Variants in ETS1 observed in about 807,000 individuals in gnomAD.
The protein encoded by ETS1 is ETS proto-oncogene 1, transcription factor, also known as protein C-ets-1.
Under a neutral mutation model 58.6 loss-of-function variants are expected in ETS1, and 15 were observed. The observed-to-expected ratio is 0.26, with a 90% CI of 0.17 to 0.39. The LOEUF (loss-of-function observed/expected upper bound fraction) is 0.39. Among genes scored for constraint, ETS1 ranks in the 10% least tolerant of loss-of-function variants. The pLI is 1.00. For synonymous variants in ETS1, 214 were observed against 218.2 expected, an observed-to-expected ratio of 0.98 and a Z score of 0.17; for missense variants, 417 against 610.5, an observed-to-expected ratio of 0.68 and a Z score of 3.34.
At chr11:128,557,383 G>A (rs189733920) in intron 2 of ETS1, among the ~76,000 whole-genome samples, 82 of 152,246 alleles carry the variant, frequency 5.4e-4, no homozygotes, top group Non-Finnish European at 8.1e-4. Context: ...GAAGTAGGAC[G>A]ATTGAATGAA....
At chr11:128,485,152 T>G in intron 6 of ETS1, 81 bp from the exon 7 acceptor site, 2 of 1,243,586 alleles carry the variant, frequency 1.6e-6, no homozygotes, top group Non-Finnish European at 2.3e-6. Flanking sequence ...CAGGGCCCTA[T>G]GATGTGGGAC....
chr11:128,462,746 T>C (rs1381359238), intron 9 of ETS1, among the ~76,000 whole-genome samples, 170 bp from the exon 10 acceptor site: 3 of 152,234 alleles, frequency 2.0e-5, no homozygotes, highest in Non-Finnish European at 2.9e-5. Flanking sequence ...GCCTATCTCC[T>C]GAATTCCATT....
intron 3 of ETS1, among the ~76,000 whole-genome samples, chr11:128,498,990 G>A (rs1863015272): frequency 6.6e-6 from 1 of 152,166 alleles, no homozygotes; most frequent in Non-Finnish European, 1.5e-5. Context: ...TTACTCAGGA[G>A]GAAAGAATGA....
intron 8 of ETS1, among the ~76,000 whole-genome samples, chr11:128,469,584 T>A (rs561570241): frequency 6.6e-6 from 1 of 152,268 alleles, no homozygotes; most frequent in South Asian, 2.1e-4. Context: ...CCCCTAAATC[T>A]CCTGATTTCC....
At chr11:128,513,040 A>G (rs1863432231) in intron 3 of ETS1, among the ~76,000 whole-genome samples, 1 of 152,256 alleles carries the variant, frequency 6.6e-6, no homozygotes, top group Non-Finnish European at 1.5e-5. Context: ...TGAGGAAGGT[A>G]TGACTCTTGG....
At chr11:128,583,310 G>A (rs939559474) in intron 1 of ETS1, among the ~76,000 whole-genome samples, 2 of 152,218 alleles carry the variant, frequency 1.3e-5, no homozygotes, top group Non-Finnish European at 2.9e-5. Context: ...CCCGGCTGGG[G>A]AGAATTGAGT....
At chr11:128,465,792 T>C (rs1862018076) in intron 8 of ETS1, among the ~76,000 whole-genome samples, 2 of 152,218 alleles carry the variant, frequency 1.3e-5, no homozygotes, top group Non-Finnish European at 2.9e-5. Flanking sequence ...CGCTCTACAC[T>C]CGTTTCCTTC....
chr11:128,490,347 T>C, intron 4 of ETS1, 110 bp downstream of exon 4: 2 of 1,125,744 alleles, frequency 1.8e-6, no homozygotes, highest in South Asian at 2.9e-5. Flanking sequence ...CCATAGCTGC[T>C]GACTCCAATG....
intron 2 of ETS1, among the ~76,000 whole-genome samples, chr11:128,562,763 G>GT (rs1267662504): frequency 6.6e-6 from 1 of 152,142 alleles, no homozygotes; most frequent in Non-Finnish European, 1.5e-5. Context: ...GCACTCATTG[G>GT]TTTGTGACCC....
At chr11:128,522,199 G>A (rs1863698110) in intron 3 of ETS1, 4 of 1,237,632 alleles carry the variant, frequency 3.2e-6, no homozygotes, top group South Asian at 2.6e-5. Context: ...ACTTTGCGGC[G>A]AAGTGAGCGC....
intron 1 of ETS1, among the ~76,000 whole-genome samples, chr11:128,586,178 T>C (rs183204773): frequency 6.3e-4 from 96 of 152,346 alleles, no homozygotes; most frequent in Middle Eastern, 3.4e-3. Flanking sequence ...TATTTCACTA[T>C]TGAGTTGGCA....
intron 5 of ETS1, 94 bp from the exon 6 acceptor site, chr11:128,486,240 A>G: frequency 1.3e-6 from 1 of 759,078 alleles, no homozygotes; most frequent in Non-Finnish European, 2.3e-6. Context: ...CAATGATCTC[A>G]ACCCCTTTTC....
chr11:128,490,425 CA>C (rs1862764247), intron 4 of ETS1, 31 bp downstream of exon 4: 1 of 1,612,674 alleles, frequency 6.2e-7, no homozygotes, highest in South Asian at 1.1e-5. Flanking sequence ...GGTCTGACCC[CA>C]ACCACTCTTT....
intron 3 of ETS1, among the ~76,000 whole-genome samples, chr11:128,501,073 T>C (rs1330644547): frequency 6.6e-6 from 1 of 152,232 alleles, no homozygotes; most frequent in Non-Finnish European, 1.5e-5. Flanking sequence ...TTTGTCCTTA[T>C]CTGGCAGCTT....
chr11:128,550,829 TA>T (rs1864217736), intron 3 of ETS1, among the ~76,000 whole-genome samples: 1 of 152,094 alleles, frequency 6.6e-6, no homozygotes, highest in Non-Finnish European at 1.5e-5. Context: ...TCCTAGAAAA[TA>T]GTTGGGCATT....
chr11:128,544,293 G>A (rs1267561908), intron 3 of ETS1, among the ~76,000 whole-genome samples: 1 of 147,434 alleles, frequency 6.8e-6, no homozygotes, highest in African/African-American at 2.5e-5. Context: ...TGTGAGATCA[G>A]AAAGGAATTT....
At chr11:128,566,600 A>G (rs527321437) in intron 2 of ETS1, among the ~76,000 whole-genome samples, 324 of 152,008 alleles carry the variant, frequency 2.1e-3, no homozygotes, top group Middle Eastern at 0.02. Context: ...TGGCTAACAC[A>G]GTGAAACCCC....
At chr11:128,573,767 T>G (rs1864686442) in intron 1 of ETS1, among the ~76,000 whole-genome samples, 1 of 152,228 alleles carries the variant, frequency 6.6e-6, no homozygotes. Flanking sequence ...GCTTGAGCAA[T>G]TTTCTGGCTG....
At chr11:128,539,507 A>G (rs1333358115) in intron 3 of ETS1, among the ~76,000 whole-genome samples, 3 of 152,236 alleles carry the variant, frequency 2.0e-5, no homozygotes, top group Non-Finnish European at 4.4e-5. Flanking sequence ...ACTACTGCTC[A>G]TTCACCATGA....
Sources: gnomAD v4.1 joint callset for allele counts (sites outside exome capture counted in the v4.1 genomes callset) on GRCh38, gnomAD v4.1.1 for gene constraint, MANE v1.5 for transcripts, NCBI Gene and HGNC (gene_info 2026-07-23, HGNC 2026-07-21) for gene names.